Variants in CFAP95 observed in about 807,000 individuals in gnomAD.
The protein encoded by CFAP95 is cilia and flagella associated protein 95.
At chr9:69,872,873 A>G in the CFAP95 span, among the ~76,000 whole-genome samples, 1 of 152,172 alleles carries the variant, frequency 6.6e-6, no homozygotes, top group African/African-American at 2.4e-5. Context: ...GAAACCAAAG[A>G]AAGAGGCAGA....
the CFAP95 span, among the ~76,000 whole-genome samples, chr9:69,864,042 C>T: frequency 6.6e-6 from 1 of 152,050 alleles, no homozygotes; most frequent in East Asian, 1.9e-4. Flanking sequence ...TTTGAGGGCT[C>T]CCCAGGAGTA....
At chr9:69,827,551 T>C in the CFAP95 span, among the ~76,000 whole-genome samples, 46 of 152,298 alleles carry the variant, frequency 3.0e-4, no homozygotes, top group African/African-American at 1.1e-3. Flanking sequence ...CCCACTACCA[T>C]CTGTATGTGT....
At chr9:69,896,849 A>G in the CFAP95 span, among the ~76,000 whole-genome samples, 1 of 152,286 alleles carries the variant, frequency 6.6e-6, no homozygotes, top group South Asian at 2.1e-4. Context: ...TGATTGCACC[A>G]CTGCACTCCA....
the CFAP95 span, among the ~76,000 whole-genome samples, chr9:69,823,939 G>T: frequency 6.6e-6 from 1 of 152,032 alleles, no homozygotes; most frequent in Non-Finnish European, 1.5e-5. Flanking sequence ...TTTTGTGGTG[G>T]AATGTCATCA....
At chr9:69,869,992 GGC>G in the CFAP95 span, among the ~76,000 whole-genome samples, 1 of 152,124 alleles carries the variant, frequency 6.6e-6, no homozygotes, top group African/African-American at 2.4e-5. Context: ...TTACAGAGGT[GGC>G]TTCACAGGAA....
the CFAP95 span, among the ~76,000 whole-genome samples, chr9:69,900,677 G>C: frequency 1.3e-5 from 2 of 152,286 alleles, no homozygotes; most frequent in Admixed American, 1.3e-4. Flanking sequence ...TGCAGCCCCT[G>C]TTAGTATCTT....
the CFAP95 span, among the ~76,000 whole-genome samples, chr9:69,903,868 A>C: frequency 1.2e-3 from 177 of 152,202 alleles, no homozygotes; most frequent in African/African-American, 4.0e-3. Flanking sequence ...CTGGGACTAC[A>C]AGAACGTGTC....
At chr9:69,823,994 C>T in the CFAP95 span, among the ~76,000 whole-genome samples, 6,028 of 152,082 alleles carry the variant, frequency 0.04, 394 homozygotes, top group African/African-American at 0.14. Flanking sequence ...TGCAGGTCAC[C>T]GGCGATATGA....
At chr9:69,883,642 A>T in the CFAP95 span, among the ~76,000 whole-genome samples, 1 of 151,896 alleles carries the variant, frequency 6.6e-6, no homozygotes, top group Non-Finnish European at 1.5e-5. Context: ...AGTTTTGCCC[A>T]TTTCTTCTAG....
chr9:69,869,616 AAAG>A, the CFAP95 span, among the ~76,000 whole-genome samples: 1 of 152,154 alleles, frequency 6.6e-6, no homozygotes, highest in African/African-American at 2.4e-5. Context: ...TTATCGCAAA[AAAG>A]GTAACTGTGA....
chr9:69,895,956 T>C, the CFAP95 span, among the ~76,000 whole-genome samples: 1 of 152,162 alleles, frequency 6.6e-6, no homozygotes, highest in South Asian at 2.1e-4. Flanking sequence ...CTGCTGCGCC[T>C]GGCCTGGTCT....
the CFAP95 span, among the ~76,000 whole-genome samples, chr9:69,828,619 G>A: frequency 2.8e-3 from 425 of 152,272 alleles, 2 homozygotes; most frequent in Admixed American, 7.3e-3. Flanking sequence ...GGAGGCAGAG[G>A]TTGCAGTGAG....
chr9:69,826,578 A>C, the CFAP95 span, among the ~76,000 whole-genome samples: 8 of 152,174 alleles, frequency 5.3e-5, no homozygotes, highest in African/African-American at 1.9e-4. Context: ...CTTTTCTATC[A>C]AGTTTTCTTC....
the CFAP95 span, among the ~76,000 whole-genome samples, chr9:69,848,497 G>T: frequency 6.6e-6 from 1 of 152,126 alleles, no homozygotes; most frequent in Non-Finnish European, 1.5e-5. Flanking sequence ...TCCCAAGAAA[G>T]TCACCTTGGA....
the CFAP95 span, among the ~76,000 whole-genome samples, chr9:69,877,616 C>A: frequency 1.3e-5 from 2 of 152,116 alleles, no homozygotes; most frequent in African/African-American, 4.8e-5. Context: ...TATGGCTATG[C>A]TATTTTTGTA....
the CFAP95 span, among the ~76,000 whole-genome samples, chr9:69,859,897 C>A: frequency 6.6e-6 from 1 of 152,152 alleles, no homozygotes; most frequent in East Asian, 1.9e-4. Context: ...ATTTATGTAT[C>A]TAAACATATC....
the CFAP95 span, chr9:69,858,025 CAGA>C: frequency 7.6e-6 from 12 of 1,576,666 alleles, no homozygotes; most frequent in Non-Finnish European, 9.6e-6. Flanking sequence ...TTTCTTGATT[CAGA>C]AGGTTTGTTT....
chr9:69,867,677 A>G, the CFAP95 span, among the ~76,000 whole-genome samples: 1 of 152,212 alleles, frequency 6.6e-6, no homozygotes, highest in African/African-American at 2.4e-5. Flanking sequence ...TACAGACATT[A>G]AGAAAAATAG....
At chr9:69,840,319 A>G in the CFAP95 span, among the ~76,000 whole-genome samples, 2 of 152,312 alleles carry the variant, frequency 1.3e-5, no homozygotes, top group East Asian at 1.9e-4. Flanking sequence ...TTATTTTTAT[A>G]TATGTATATA....
Sources: gnomAD v4.1 joint callset for allele counts (sites outside exome capture counted in the v4.1 genomes callset) on GRCh38, gnomAD v4.1.1 for gene constraint, MANE v1.5 for transcripts, NCBI Gene and HGNC (gene_info 2026-07-23, HGNC 2026-07-21) for gene names.